The following SCYL3 variants were observed in gnomAD, a reference collection of about 807,000 sequenced individuals.
SCYL3 encodes the protein protein-associating with the carboxyl-terminal domain of ezrin.
SCYL3 carries 35 observed loss-of-function variants against 73.8 expected under a neutral mutation model. The observed-to-expected ratio is 0.47, with a 90% confidence interval of 0.36 to 0.63. SCYL3 has a LOEUF of 0.63. SCYL3 is among the 20% of genes least tolerant of loss of function. The pLI, the probability that SCYL3 is intolerant of heterozygous loss-of-function variation, is 0.00. For missense variants in SCYL3, 712 were observed against 798.9 expected, an observed-to-expected ratio of 0.89 and a Z score of 1.31; for synonymous variants, 277 against 295.2, an observed-to-expected ratio of 0.94 and a Z score of 0.63.
chr1:169,889,446 C>G (rs2102217880), intron 1 of SCYL3, among the ~76,000 whole-genome samples: 1 of 151,896 alleles, frequency 6.6e-6, no homozygotes, highest in South Asian at 2.1e-4. Flanking sequence ...AACACCAGTA[C>G]AATAATGGGA....
rs901973769 is a variant in SCYL3, at chr1:169,852,028, C to T, written c.*1685G>A. On this transcript the variant is annotated 3_prime_UTR_variant, in exon 13 of 13. Transcript: ENST00000367771. ...GAAACAAACCAGTGTGGTTTCCAGC[C>T]TTATGCTGAATTTCAAATCAAATAG... 1 of 1,558,740 alleles carries T rather than the reference C, an allele frequency of 6.4e-7. No homozygotes were observed. Among genetic ancestry groups the T allele is most frequent in the Non-Finnish European group, 8.8e-7 (1 of 1,136,152 alleles).
chr1:169,889,055 G>A (rs1661875953), intron 1 of SCYL3, among the ~76,000 whole-genome samples, 165 bp from the exon 2 acceptor site: 1 of 152,190 alleles, frequency 6.6e-6, no homozygotes, highest in African/African-American at 2.4e-5. Flanking sequence ...AGCAATGGTT[G>A]TTAATTAACA....
At chr1:169,866,152 T>G (rs960203982) in intron 8 of SCYL3, among the ~76,000 whole-genome samples, 8 of 152,238 alleles carry the variant, frequency 5.3e-5, no homozygotes. Flanking sequence ...TCCCTGCATA[T>G]TAGGTCCTCT....
intron 2 of SCYL3, among the ~76,000 whole-genome samples, chr1:169,885,458 G>A (rs1661614116): frequency 6.6e-6 from 1 of 152,248 alleles, no homozygotes; most frequent in South Asian, 2.1e-4. Context: ...GCTTTTAGAT[G>A]AGACAAAGCC....
In SCYL3 at chr1:169,859,179, T is replaced by C. The variant is rs1178043802; in HGVS notation, c.1174A>G (p.Ile392Val). The C allele has an allele frequency of 6.2e-7, 1 of 1,613,372 alleles. No individual in the cohort carries two copies. The highest frequency in any genetic ancestry group is 8.5e-7 in the Non-Finnish European group (1 of 1,179,770). ...LLGLRDTSDSIVAITLHSLAV... is the reference protein window; with the variant it reads ...LLGLRDTSDSVVAITLHSLAV... ...AGGCTATGCAGAGTAATTGCCACAA[T>C]GGAATCGCTAGTATCACGCAGGCCC... Residue 392 changes from isoleucine to valine, a missense_variant, in exon 11 of 13, where the codon ATT (isoleucine) becomes GTT (valine). By Grantham distance (29) the Ile-to-Val change is conservative (BLOSUM62 3). Coordinates refer to ENST00000367771, the MANE Select transcript of SCYL3 (RefSeq NM_020423.7).
intron 2 of SCYL3, among the ~76,000 whole-genome samples, chr1:169,879,099 T>C (rs1194356839): frequency 6.6e-6 from 1 of 152,234 alleles, no homozygotes; most frequent in Non-Finnish European, 1.5e-5. Context: ...CGATTACTGC[T>C]ATAAACTGAA....
At chr1:169,873,598 A>C (rs957013956) in intron 5 of SCYL3, 98 bp downstream of exon 5, 4 of 733,312 alleles carry the variant, frequency 5.5e-6, no homozygotes, top group Non-Finnish European at 9.3e-6. Flanking sequence ...GGCATCTATA[A>C]CTCAGTAAAG....
At position 169,863,043 on chromosome 1, in the gene SCYL3, G is replaced by C. The variant is rs562058476; in HGVS notation, c.956-246C>G. Among the ~76,000 whole-genome samples the C allele has an allele frequency of 5.6e-3, 858 of 152,156 alleles. 9 individuals carry two copies. The highest frequency in any genetic ancestry group is 0.02 in the African/African-American group (831 of 41,492). The stretch of plus-strand genomic sequence containing the variant: ...TTCTCCTGCCTCAGCCTCCCGAGTA[G>C]CTGGGATTACAGGCACCCGCCACCA... On this transcript the variant is annotated intron_variant, in intron 9 of 12. Coordinates refer to ENST00000367771, the MANE Select transcript of SCYL3 (RefSeq NM_020423.7).
chr1:169,864,589 C>T, intron 8 of SCYL3, 81 bp from the exon 9 acceptor site: 1 of 1,302,926 alleles, frequency 7.7e-7, no homozygotes, highest in Non-Finnish European at 1.1e-6. Context: ...TACACACATC[C>T]TCTCTCTCAC....
At chr1:169,857,821 T>C (rs945596492) in intron 11 of SCYL3, among the ~76,000 whole-genome samples, 8 of 152,232 alleles carry the variant, frequency 5.3e-5, no homozygotes, top group Admixed American at 3.9e-4. Flanking sequence ...ACATAGATGG[T>C]ATAGCCTATT....
chr1:169,882,089 C>G (rs1170588082), intron 2 of SCYL3, among the ~76,000 whole-genome samples: 1 of 152,202 alleles, frequency 6.6e-6, no homozygotes, highest in East Asian at 1.9e-4. Context: ...CCGGTTCCCT[C>G]AGCTTGCAGG....
chr1:169,866,994 G>A, intron 7 of SCYL3, 21 bp from the exon 8 acceptor site: 1 of 1,336,258 alleles, frequency 7.5e-7, no homozygotes, highest in Non-Finnish European at 1.1e-6. Context: ...AAAAGAGAAG[G>A]AATTCAGCAG....
Position 169,855,685 on chromosome 1 carries a change from A to C in SCYL3, c.1313-721T>G, listed in dbSNP as rs145045245. ...ACAAGATGAGACCAAAGCTGACTAC[A>C]TAATTACAAATAAATCAGTCTCAAA... On this transcript the variant is annotated intron_variant, in intron 11 of 12. Transcript: ENST00000367771. The C allele has an allele frequency of 1.3e-3, 1,273 of 986,162 alleles. 10 individuals are homozygous for C. The African/African-American group carries it at 0.013, about 10-fold the overall frequency. 61.1% of individuals were successfully genotyped at this position (986,162 alleles called of 1,614,324 possible). A position where few individuals can be genotyped will look rare whatever the true frequency, so the allele number is the denominator to read the frequency against.
chr1:169,875,331 C>T (rs921365139), intron 4 of SCYL3, among the ~76,000 whole-genome samples: 1 of 152,054 alleles, frequency 6.6e-6, no homozygotes, highest in Non-Finnish European at 1.5e-5. Context: ...AGCAGCAACA[C>T]GCAAAATGTG....
intron 11 of SCYL3, 24 bp from the exon 12 acceptor site, chr1:169,854,988 A>G: frequency 1.3e-6 from 2 of 1,502,750 alleles, no homozygotes; most frequent in Non-Finnish European, 1.8e-6. Flanking sequence ...AATTATTCTC[A>G]TAAAATACTG....
rs182433244 is a variant in SCYL3 at position 169,853,834 on chromosome 1, C to T, written c.2008-62G>A. 7 of 1,577,102 alleles carry T rather than the reference C, an allele frequency of 4.4e-6. No homozygotes were observed. The South Asian group carries it at 5.6e-5, about 13-fold the overall frequency. ...ACAAATCATATGCAAAAATCATACG[C>T]AAATTTGAAAAAGCAGGAATTTAAA... is the stretch of plus-strand genomic sequence containing the variant. On this transcript the variant is annotated intron_variant, in intron 12 of 12. Coordinates refer to ENST00000367771, the MANE Select transcript of SCYL3 (RefSeq NM_020423.7).
chr1:169,859,190 G>A lies in SCYL3; in HGVS notation c.1163C>T (p.Thr388Ile). The change falls in exon 11 of 13, where the codon ACT becomes ATT. Residue 388 changes from threonine to isoleucine, a missense_variant. By Grantham distance (89) the Thr-to-Ile change is moderately conservative (BLOSUM62 -1). Around this residue, in one of 2 missense-constraint regions of SCYL3, gnomAD observed 370 missense variants for 350.8 expected, o/e 1.05. Transcript: ENST00000367771. Reference sequence around the variant, plus strand: ...AGTAATTGCCACAATGGAATCGCTAGTATCACGCAGGCCCAGCAAAACCTA... The same window carrying A: ...AGTAATTGCCACAATGGAATCGCTAATATCACGCAGGCCCAGCAAAACCTA... ...LPQVLLGLRDTSDSIVAITLH... is the reference protein window; with the variant it reads ...LPQVLLGLRDISDSIVAITLH... 6.2e-7 allele frequency: 1 copy of A among 1,612,380 alleles called. No individual in the cohort carries two copies. Among genetic ancestry groups the A allele is most frequent in the Non-Finnish European group, 8.5e-7 (1 of 1,179,348 alleles).
In SCYL3 at chr1:169,862,922, T is replaced by C. The variant is rs116551518; in HGVS notation, c.956-125A>G. 5.7e-3 allele frequency: 5,350 copies of C among 935,162 alleles called. 51 individuals are homozygous for C. Among genetic ancestry groups the C allele is most frequent in the African/African-American group, 0.02 (1,185 of 60,242 alleles). The allele number at this position is 935,162 out of a possible 1,614,324, so 57.9% of individuals were successfully genotyped here. A position where few individuals can be genotyped will look rare whatever the true frequency, so the allele number is the denominator to read the frequency against. ...TCTAAGTACTCTTCTAAATTCTTTT[T>C]TTCTTTTTGAGATGGAGTCTCACTC... is the stretch of plus-strand genomic sequence containing the variant. On this transcript the variant is annotated intron_variant, in intron 9 of 12. Coordinates refer to ENST00000367771, the MANE Select transcript of SCYL3 (RefSeq NM_020423.7).
intron 10 of SCYL3, among the ~76,000 whole-genome samples, chr1:169,861,180 G>A (rs544281346): frequency 5.6e-4 from 85 of 152,264 alleles, no homozygotes; most frequent in African/African-American, 1.5e-3. Context: ...AGCCCCCAGC[G>A]AATCACACCT....
Sources: allele counts gnomAD v4.1 joint callset (sites outside exome capture counted in the v4.1 genomes callset), GRCh38; gene constraint gnomAD v4.1.1; regional missense constraint gnomAD v4.1.1; transcripts MANE v1.5; gene names NCBI Gene and HGNC (gene_info 2026-07-23, HGNC 2026-07-21).